The following PCDHA10 variants were observed in gnomAD, a reference collection of about 807,000 sequenced individuals.
PCDHA10 encodes the protein protocadherin alpha-10.
A neutral mutation model predicts 61.2 loss-of-function variants in PCDHA10; 45 were observed. The observed-to-expected ratio is 0.74, with a 90% CI of 0.58 to 0.94. The LOEUF (loss-of-function observed/expected upper bound fraction) is 0.94, where lower values mean the gene tolerates loss of function less well. Ranked by LOEUF, PCDHA10 falls within the 40% of genes least tolerant of loss-of-function variation. PCDHA10 has a pLI of 0.00. For missense variants in PCDHA10, 1,278 were observed against 1,236.2 expected (o/e 1.03, Z -0.51); for synonymous variants, 602 against 548.8 (o/e 1.10, Z -1.35).
chr5:140,941,647 C>T (rs1435033243), intron 1 of PCDHA10, among the ~76,000 whole-genome samples: 2 of 152,002 alleles, frequency 1.3e-5, no homozygotes, highest in South Asian at 2.1e-4. Flanking sequence ...CTTCCTACAA[C>T]TTATGTCCAA....
At chr5:140,882,050 T>TA (rs1260382802) in intron 1 of PCDHA10, 7 of 756,632 alleles carry the variant, frequency 9.3e-6, no homozygotes, top group African/African-American at 3.5e-5. Context: ...GAGTCATACT[T>TA]ACACTTACAC....
chr5:140,924,008 C>T lies in PCDHA10; in HGVS notation c.2389-54941C>T, dbSNP rs75028295. On this transcript the variant is annotated intron_variant, in intron 1 of 3. Coordinates refer to ENST00000307360, the MANE Select transcript of PCDHA10 (RefSeq NM_018901.4). ...TAGGTGCAGCTCAGAATTCCTAAAC[C>T]TGGTATAATTGGAGGCATGGCTGCA... 7.8e-3 allele frequency among the ~76,000 whole-genome samples: 1,191 copies of T among 152,262 alleles called. 21 individuals are homozygous for T. The highest frequency in any genetic ancestry group is 0.026 in the African/African-American group (1,098 of 41,552).
At chr5:140,866,264 G>C (rs908649642) in intron 1 of PCDHA10, 1 of 152,052 alleles carries the variant, frequency 6.6e-6, no homozygotes, top group Admixed American at 6.5e-5. Flanking sequence ...TTTCTTTACT[G>C]TGAATAAAGA....
rs371212960 is a variant in PCDHA10 at position 140,891,914 on chromosome 5, C to T, written c.2388+33478C>T. ...GCAGCAAGAAGATCTTCACCAGATG[C>T]TGGTGCCTTGATCTTGGACTTCCCC... On this transcript the variant is annotated intron_variant, in intron 1 of 3. Transcript: ENST00000307360. Among the ~76,000 whole-genome samples the T allele has an allele frequency of 2.6e-3, 395 of 152,328 alleles. 2 individuals carry two copies. The highest frequency in any genetic ancestry group is 9.2e-3 in the African/African-American group (384 of 41,572).
intron 3 of PCDHA10, among the ~76,000 whole-genome samples, chr5:141,002,404 C>T (rs1167193365): frequency 2.0e-5 from 3 of 152,200 alleles, no homozygotes; most frequent in African/African-American, 7.2e-5. Context: ...CTCTGTGCCT[C>T]CCAAATAGTA....
intron 1 of PCDHA10, chr5:140,928,951 G>C (rs2032668535): frequency 6.2e-7 from 1 of 1,614,028 alleles, no homozygotes; most frequent in Non-Finnish European, 8.5e-7. Flanking sequence ...TTTAGTAATT[G>C]CCTTGGCTTG....
At chr5:140,904,015 A>G (rs1374371306) in intron 1 of PCDHA10, among the ~76,000 whole-genome samples, 1 of 152,234 alleles carries the variant, frequency 6.6e-6, no homozygotes, top group Non-Finnish European at 1.5e-5. Context: ...ACTTTAAAAA[A>G]TAATGGTATA....
chr5:140,892,061 T>C (rs1445819046), intron 1 of PCDHA10, among the ~76,000 whole-genome samples: 1 of 152,254 alleles, frequency 6.6e-6, no homozygotes, highest in Non-Finnish European at 1.5e-5. Context: ...AATTTATTGT[T>C]ACTTTGTATA....
intron 1 of PCDHA10, among the ~76,000 whole-genome samples, chr5:140,960,750 A>C (rs1367583531): frequency 6.6e-6 from 1 of 152,048 alleles, no homozygotes; most frequent in African/African-American, 2.4e-5. Context: ...CATGGCTAAA[A>C]TCCCAAGAGT....
At chr5:140,926,873 C>T in intron 1 of PCDHA10, 1 of 1,525,502 alleles carries the variant, frequency 6.6e-7, no homozygotes, top group Non-Finnish European at 8.8e-7. Context: ...GTTGGTGGAA[C>T]GTGGACGCCT....
rs1554206991 is a variant in PCDHA10, at chr5:140,929,323, A to G, written c.2389-49626A>G. 4 of 1,540,320 alleles carry G rather than the reference A, an allele frequency of 2.6e-6. No homozygotes were observed. In the Admixed American group the frequency reaches 8.1e-5, roughly 31 times the overall value. On this transcript the variant is annotated intron_variant, in intron 1 of 3. Transcript: ENST00000307360. ...AGGGGATCACGCTAATGTCAATGCC[A>G]TGGTAAGCAAATTTTATGGAATTTG...
intron 3 of PCDHA10, among the ~76,000 whole-genome samples, chr5:141,002,792 A>G (rs576285489): frequency 6.6e-6 from 1 of 152,306 alleles, no homozygotes; most frequent in South Asian, 2.1e-4. Context: ...CATTTTATGG[A>G]TGAGGAAACT....
intron 1 of PCDHA10, among the ~76,000 whole-genome samples, chr5:140,895,474 C>T (rs947771616): frequency 2.1e-4 from 32 of 152,154 alleles, no homozygotes; most frequent in African/African-American, 7.0e-4. Flanking sequence ...TTATCCTCTT[C>T]GGAGAAATAC....
chr5:140,863,770 G>A (rs953823411), intron 1 of PCDHA10: 6 of 240,128 alleles, frequency 2.5e-5, no homozygotes, highest in Non-Finnish European at 4.1e-5. Context: ...AAGCCGAGGC[G>A]GGCGGATCAC....
intron 1 of PCDHA10, among the ~76,000 whole-genome samples, chr5:140,937,247 C>T (rs1370735573): frequency 6.6e-6 from 1 of 151,974 alleles, no homozygotes; most frequent in Non-Finnish European, 1.5e-5. Context: ...CCGTGTTAGC[C>T]AGGATGGTCT....
chr5:140,892,943 AC>A (rs2063750109), intron 1 of PCDHA10, among the ~76,000 whole-genome samples: 1 of 152,088 alleles, frequency 6.6e-6, no homozygotes, highest in South Asian at 2.1e-4. Flanking sequence ...TAAGCACAAT[AC>A]TACTTCCATG....
rs2056458194 is a variant in PCDHA10, at chr5:140,876,609, T to C, written c.2388+18173T>C. ...TGATTAGCGTGTCGGATCGTGACTC[T>C]GGAGCCAATGGACAGGTCATCTGCT... On this transcript the variant is annotated intron_variant, in intron 1 of 3. Coordinates refer to ENST00000307360, the MANE Select transcript of PCDHA10 (RefSeq NM_018901.4). The C allele has an allele frequency of 3.1e-6, 5 of 1,614,226 alleles. No individual in the cohort carries two copies. In the East Asian group the frequency reaches 1.1e-4, roughly 36 times the overall value.
At chr5:140,970,082 G>C (rs1203003794) in intron 1 of PCDHA10, among the ~76,000 whole-genome samples, 1 of 152,178 alleles carries the variant, frequency 6.6e-6, no homozygotes, top group Non-Finnish European at 1.5e-5. Context: ...TGGATTAGGG[G>C]TGTGGGGGGA....
In PCDHA10 at chr5:140,870,962, C is replaced by A. The variant is rs1489353896; in HGVS notation, c.2388+12526C>A. 7 of 1,613,532 alleles carry A rather than the reference C, an allele frequency of 4.3e-6. No individual in the cohort carries two copies. In the Admixed American group the frequency reaches 1.2e-4, roughly 27 times the overall value. On this transcript the variant is annotated intron_variant, in intron 1 of 3. Transcript: ENST00000307360. Reference sequence around the variant, plus strand: ...CCGGCGGCGGGCGGCTCGCGCATCCCGTTCCGCGTGGGGCTGTACACGGGC... The same window carrying A: ...CCGGCGGCGGGCGGCTCGCGCATCCAGTTCCGCGTGGGGCTGTACACGGGC...
Sources: gnomAD v4.1 joint callset for allele counts (sites outside exome capture counted in the v4.1 genomes callset) on GRCh38, gnomAD v4.1.1 for gene constraint, MANE v1.5 for transcripts, NCBI Gene and HGNC (gene_info 2026-07-23, HGNC 2026-07-21) for gene names.